The following ROR1 variants were observed in gnomAD, a reference collection of about 807,000 sequenced individuals.
ROR1 encodes inactive tyrosine-protein kinase transmembrane receptor ROR1.
ROR1 carries 19 observed loss-of-function variants against 78.8 expected under a neutral mutation model. The ratio of observed to expected loss-of-function variants is 0.24; its 90% CI spans 0.17 to 0.35. The LOEUF is 0.35. Ranked by LOEUF, ROR1 falls within the 10% of genes least tolerant of loss-of-function variation. The pLI is 1.00. For missense variants in ROR1, 917 were observed against 1,177.8 expected, an observed-to-expected ratio of 0.78 and a Z score of 3.24; for synonymous variants, 386 against 433.6, an observed-to-expected ratio of 0.89 and a Z score of 1.36.
At chr1:63,889,854 A>G (rs1325370643) in intron 1 of ROR1, among the ~76,000 whole-genome samples, 2 of 152,194 alleles carry the variant, frequency 1.3e-5, no homozygotes, top group East Asian at 3.8e-4. Context: ...TTTCTCTTCT[A>G]GAGTAAATGT....
At chr1:63,919,839 G>A (rs1042597169) in intron 1 of ROR1, among the ~76,000 whole-genome samples, 2 of 152,152 alleles carry the variant, frequency 1.3e-5, no homozygotes, top group Non-Finnish European at 2.9e-5. Flanking sequence ...ATAACTTAAA[G>A]CTTCGTCTCA....
chr1:63,887,713 A>T (rs1168502810), intron 1 of ROR1, among the ~76,000 whole-genome samples: 1 of 152,210 alleles, frequency 6.6e-6, no homozygotes, highest in African/African-American at 2.4e-5. Flanking sequence ...TTTTAAAAAA[A>T]TCAGAAGGCT....
At chr1:64,169,009 G>C (rs561742616) in intron 8 of ROR1, among the ~76,000 whole-genome samples, 115 of 152,246 alleles carry the variant, frequency 7.6e-4, no homozygotes, top group Admixed American at 1.3e-3. Context: ...AGCAATCCCA[G>C]CAATCTGTGC....
At chr1:63,871,770 A>G (rs1235264827) in intron 1 of ROR1, among the ~76,000 whole-genome samples, 2 of 152,210 alleles carry the variant, frequency 1.3e-5, no homozygotes, top group Admixed American at 6.5e-5. Context: ...GCTTATCCCT[A>G]CTGGAGACTG....
intron 1 of ROR1, among the ~76,000 whole-genome samples, chr1:63,844,016 C>G (rs1243539697): frequency 6.6e-6 from 1 of 152,162 alleles, no homozygotes; most frequent in Non-Finnish European, 1.5e-5. Flanking sequence ...CAGACCAGCC[C>G]TTGCTAATCC....
At chr1:63,896,512 A>G (rs1023792035) in intron 1 of ROR1, among the ~76,000 whole-genome samples, 3 of 152,330 alleles carry the variant, frequency 2.0e-5, no homozygotes, top group African/African-American at 7.2e-5. Flanking sequence ...CTCCTTCATT[A>G]TAAACTGACT....
At chr1:64,065,423 A>T (rs546792119) in intron 4 of ROR1, among the ~76,000 whole-genome samples, 1 of 152,312 alleles carries the variant, frequency 6.6e-6, no homozygotes, top group Non-Finnish European at 1.5e-5. Context: ...CAACACTCAA[A>T]TGGTTTATCC....
intron 4 of ROR1, among the ~76,000 whole-genome samples, chr1:64,128,360 T>C (rs2100695902): frequency 6.7e-6 from 1 of 149,706 alleles, no homozygotes; most frequent in East Asian, 2.0e-4. Context: ...TTACAGCTAC[T>C]CAGGAGGCTA....
intron 2 of ROR1, among the ~76,000 whole-genome samples, chr1:64,017,825 T>C (rs1646533461): frequency 6.6e-6 from 1 of 152,210 alleles, no homozygotes; most frequent in Non-Finnish European, 1.5e-5. Context: ...GTGTTTGTGC[T>C]CCTGTTTTTA....
intron 7 of ROR1, among the ~76,000 whole-genome samples, chr1:64,151,510 A>T (rs1235919975): frequency 6.6e-6 from 1 of 152,156 alleles, no homozygotes; most frequent in East Asian, 1.9e-4. Flanking sequence ...TGGGCTGAGG[A>T]TACTCAGGGG....
intron 1 of ROR1, among the ~76,000 whole-genome samples, chr1:63,990,251 C>T (rs964399444): frequency 1.3e-5 from 2 of 152,136 alleles, no homozygotes; most frequent in African/African-American, 4.8e-5. Flanking sequence ...AAGACTTGCC[C>T]AGGAAGAGAA....
chr1:63,966,429 A>G (rs890591005), intron 1 of ROR1, among the ~76,000 whole-genome samples: 6 of 152,232 alleles, frequency 3.9e-5, no homozygotes, highest in Non-Finnish European at 8.8e-5. Flanking sequence ...AGTTTTGTAC[A>G]GAGATAAACA....
intron 2 of ROR1, among the ~76,000 whole-genome samples, chr1:64,012,819 C>T (rs1049859045): frequency 6.6e-6 from 1 of 151,968 alleles, no homozygotes; most frequent in Non-Finnish European, 1.5e-5. Context: ...AGGCATATTT[C>T]AAAATAACTA....
At chr1:63,948,466 C>T (rs892785943) in intron 1 of ROR1, among the ~76,000 whole-genome samples, 2 of 151,842 alleles carry the variant, frequency 1.3e-5, no homozygotes, top group African/African-American at 4.8e-5. Flanking sequence ...TCTGATACTT[C>T]CAGAGGGTAT....
At chr1:63,975,088 C>T (rs2100501906) in intron 1 of ROR1, among the ~76,000 whole-genome samples, 1 of 152,176 alleles carries the variant, frequency 6.6e-6, no homozygotes, top group East Asian at 1.9e-4. Context: ...ATCACTTTTG[C>T]CCAGTAGGCA....
At chr1:64,111,132 T>A (rs762876716) in intron 4 of ROR1, 2 of 152,208 alleles carry the variant, frequency 1.3e-5, no homozygotes, top group Non-Finnish European at 2.9e-5. Flanking sequence ...CTTATGTTTT[T>A]ACTAAAACTT....
intron 4 of ROR1, chr1:64,113,774 G>C (rs2100677748): frequency 6.7e-6 from 1 of 149,330 alleles, no homozygotes; most frequent in South Asian, 2.1e-4. Flanking sequence ...TTATTCTGGA[G>C]AGTTCCAGTG....
intron 1 of ROR1, among the ~76,000 whole-genome samples, chr1:63,815,240 C>T (rs1557509920): frequency 6.6e-6 from 1 of 152,070 alleles, no homozygotes; most frequent in Non-Finnish European, 1.5e-5. Context: ...AGTCTCCGAG[C>T]AATGAAGACT....
intron 4 of ROR1, among the ~76,000 whole-genome samples, chr1:64,054,928 C>T (rs547626834): frequency 5.5e-4 from 84 of 152,258 alleles, no homozygotes; most frequent in African/African-American, 2.0e-3. Context: ...CTTATAGATG[C>T]ATCTCCCCAA....
Sources: allele counts gnomAD v4.1 joint callset (sites outside exome capture counted in the v4.1 genomes callset), GRCh38; gene constraint gnomAD v4.1.1; transcripts MANE v1.5; gene names NCBI Gene and HGNC (gene_info 2026-07-23, HGNC 2026-07-21).